SPATA6L: variants seen among roughly 807,000 people sequenced by gnomAD.
The protein encoded by SPATA6L is spermatogenesis associated 6 like.
In SPATA6L, 68 loss-of-function variants were observed where a neutral mutation model predicts 49.2. That is an observed-to-expected ratio of 1.38 (90% CI 1.14 to 1.69). The LOEUF (loss-of-function observed/expected upper bound fraction) is 1.69. Among genes scored for constraint, SPATA6L ranks in the 40% most tolerant of loss-of-function variants. The pLI is 0.00. For missense variants in SPATA6L, 668 were observed against 464.3 expected (o/e 1.44, Z -4.03); for synonymous variants, 198 against 165.7 (o/e 1.19, Z -1.50).
intron 3 of SPATA6L, among the ~76,000 whole-genome samples, chr9:4,640,564 T>C (rs1833808128): frequency 2.6e-5 from 4 of 151,198 alleles, no homozygotes; most frequent in African/African-American, 9.7e-5. Context: ...CAGGAAACTT[T>C]AAGAAAAAAA....
intron 3 of SPATA6L, among the ~76,000 whole-genome samples, chr9:4,655,354 A>C (rs1837884280): frequency 6.6e-6 from 1 of 152,220 alleles, no homozygotes; most frequent in African/African-American, 2.4e-5. Flanking sequence ...ATACAGACGG[A>C]AAGATTAGTG....
intron 7 of SPATA6L, among the ~76,000 whole-genome samples, chr9:4,619,564 C>T (rs190067293): frequency 3.3e-5 from 5 of 152,214 alleles, no homozygotes; most frequent in Admixed American, 6.5e-5. Context: ...TTTGAGCAGG[C>T]GCCCAGAACC....
chr9:4,618,202 G>C, intron 8 of SPATA6L, 92 bp from the exon 9 acceptor site: 1 of 1,086,334 alleles, frequency 9.2e-7, no homozygotes, highest in East Asian at 2.5e-5. Flanking sequence ...AAGATAACTC[G>C]GGCTAAGATG....
In SPATA6L at chr9:4,600,691, G is replaced by A. The variant is rs1450724883; in HGVS notation, c.*120C>T. 6.6e-6 allele frequency: 1 copy of A among 152,084 alleles called. No individual in the cohort carries two copies. The highest frequency in any genetic ancestry group is 1.5e-5 in the Non-Finnish European group (1 of 68,014). The allele number at this position is 152,084 out of a possible 1,614,324, so 9.4% of individuals were successfully genotyped here. A position where few individuals can be genotyped will look rare whatever the true frequency, so the allele number is the denominator to read the frequency against. On this transcript the variant is annotated 3_prime_UTR_variant, in exon 12 of 12. Coordinates refer to ENST00000682582, the MANE Select transcript of SPATA6L (RefSeq NM_001353486.2). ...ACTGAGTACAGGGTTTGGTTTAAAG[G>A]GGATTAGACATCAGTGACTCAACAC... is the stretch of plus-strand genomic sequence containing the variant.
At chr9:4,644,793 C>G (rs1388151813) in intron 3 of SPATA6L, among the ~76,000 whole-genome samples, 1 of 152,040 alleles carries the variant, frequency 6.6e-6, no homozygotes, top group African/African-American at 2.4e-5. Context: ...ATTGGTGCCA[C>G]TGGGTGGCAG....
At chr9:4,619,156 T>C (rs925076180) in intron 7 of SPATA6L, among the ~76,000 whole-genome samples, 4 of 87,456 alleles carry the variant, frequency 4.6e-5, no homozygotes, top group African/African-American at 1.5e-4. Context: ...AGGTTTTCTC[T>C]TTTTTTTTTT....
At chr9:4,607,152 C>A (rs1825467271) in intron 9 of SPATA6L, among the ~76,000 whole-genome samples, 1 of 151,942 alleles carries the variant, frequency 6.6e-6, no homozygotes, top group Admixed American at 6.6e-5. Context: ...TGTGAAAAGA[C>A]CAAATCTACG....
chr9:4,633,630 A>T (rs1037825748), intron 4 of SPATA6L: 3 of 158,860 alleles, frequency 1.9e-5, no homozygotes, highest in African/African-American at 7.2e-5. Context: ...CTACTAAGGG[A>T]AATAAGAGAG....
intron 4 of SPATA6L, among the ~76,000 whole-genome samples, chr9:4,629,414 GGTTTTATAATA>G (rs1251139604): frequency 6.6e-6 from 1 of 151,754 alleles, no homozygotes; most frequent in East Asian, 1.9e-4. Flanking sequence ...CCATGAAGCA[GGTTTTATAATA>G]GTATCTCCTC....
chr9:4,666,411 C>T lies in SPATA6L; in HGVS notation c.-161G>A. The stretch of plus-strand genomic sequence containing the variant: ...CTACCGTCCCCCCCAGCCCAGGTCC[C>T]TCCCACCGGGACGGGTCTCTCACAC... On this transcript the variant is annotated 5_prime_UTR_variant, in exon 1 of 12. Transcript: ENST00000682582. The T allele has an allele frequency of 5.5e-6, 4 of 725,308 alleles. No homozygotes were observed. The highest frequency in any genetic ancestry group is 9.6e-6 in the Non-Finnish European group (4 of 415,484). The allele number at this position is 725,308 out of a possible 1,614,324, so 44.9% of individuals were successfully genotyped here. A position where few individuals can be genotyped will look rare whatever the true frequency, so the allele number is the denominator to read the frequency against.
chr9:4,615,777 C>T (rs534384132), intron 9 of SPATA6L, among the ~76,000 whole-genome samples: 7 of 152,320 alleles, frequency 4.6e-5, no homozygotes, highest in Middle Eastern at 6.8e-3. Flanking sequence ...TTGCCCCCAA[C>T]AGTTGCCCAA....
At chr9:4,651,199 G>A (rs1836770762) in intron 3 of SPATA6L, among the ~76,000 whole-genome samples, 1 of 151,874 alleles carries the variant, frequency 6.6e-6, no homozygotes, top group Non-Finnish European at 1.5e-5. Flanking sequence ...ATGGATGGGG[G>A]CTCCCATAAA....
chr9:4,632,020 G>A (rs1831671578), intron 4 of SPATA6L, among the ~76,000 whole-genome samples: 1 of 150,132 alleles, frequency 6.7e-6, no homozygotes, highest in Non-Finnish European at 1.5e-5. Flanking sequence ...TGAGCACACA[G>A]TGAACATCAG....
chr9:4,664,381 A>G (rs1258520952), intron 1 of SPATA6L: 1 of 167,050 alleles, frequency 6.0e-6, no homozygotes, highest in African/African-American at 2.4e-5. Flanking sequence ...TCTGAGGTAC[A>G]GCACATTTTA....
intron 10 of SPATA6L, among the ~76,000 whole-genome samples, chr9:4,604,845 T>G (rs181274388): frequency 2.2e-4 from 34 of 152,320 alleles, no homozygotes; most frequent in African/African-American, 7.7e-4. Context: ...GACAAAGTAC[T>G]GGGAATACCT....
At chr9:4,630,494 G>T (rs141783829) in intron 4 of SPATA6L, among the ~76,000 whole-genome samples, 1 of 152,078 alleles carries the variant, frequency 6.6e-6, no homozygotes, top group Non-Finnish European at 1.5e-5. Flanking sequence ...CTCTCCCCCA[G>T]AGAACACCAC....
chr9:4,662,275 C>T lies in SPATA6L; in HGVS notation c.40-239G>A, dbSNP rs993289301. 2 of 1,434,688 alleles carry T rather than the reference C, an allele frequency of 1.4e-6. No homozygotes were observed. The highest frequency in any genetic ancestry group is 1.4e-5 in the African/African-American group (1 of 69,672). The allele number at this position is 1,434,688 out of a possible 1,614,324, so 88.9% of individuals were successfully genotyped here. ...AATCGCGCTCTCGCCGGCTCCTCTC[C>T]CCGCCCCTCCGGGATGGTAGTGCGG... On this transcript the variant is annotated intron_variant, in intron 1 of 11. Coordinates refer to ENST00000682582, the MANE Select transcript of SPATA6L (RefSeq NM_001353486.2). This position sits in a 1 kb window ranked among gnomAD's most constrained non-coding sequence, Gnocchi z 4.9.
At chr9:4,663,301 G>A (rs1177464798) in intron 1 of SPATA6L, 2 of 1,584,320 alleles carry the variant, frequency 1.3e-6, no homozygotes, top group African/African-American at 1.3e-5. Context: ...AAGTCTGAAG[G>A]TTTCCACATT....
At chr9:4,646,363 C>A (rs301469) in intron 3 of SPATA6L, 1 of 534,576 alleles carries the variant, frequency 1.9e-6, no homozygotes. Context: ...TATAAACTTA[C>A]AGACACATAA....
Sources: gnomAD v4.1 joint callset for allele counts (sites outside exome capture counted in the v4.1 genomes callset) on GRCh38, gnomAD v4.1.1 for gene constraint, Gnocchi (gnomAD v3.1) non-coding constraint, MANE v1.5 for transcripts, NCBI Gene and HGNC (gene_info 2026-07-23, HGNC 2026-07-21) for gene names.